The following RORA variants were observed in gnomAD, a reference collection of about 807,000 sequenced individuals.
RORA encodes the protein RAR related orphan receptor A.
Under a neutral mutation model 69.5 loss-of-function variants are expected in RORA, and 7 were observed. That is an observed-to-expected ratio of 0.10 (90% confidence interval 0.06 to 0.19). The LOEUF is 0.19. Among genes scored for constraint, RORA ranks in the 10% least tolerant of loss-of-function variants. RORA has a pLI of 1.00. For missense variants in RORA, 457 were observed against 663.0 expected (o/e 0.69, Z 3.41); for synonymous variants, 261 against 240.8 (o/e 1.08, Z -0.78).
intron 1 of RORA, among the ~76,000 whole-genome samples, chr15:61,123,834 G>C (rs2079122214): frequency 6.6e-6 from 1 of 152,192 alleles, no homozygotes; most frequent in African/African-American, 2.4e-5. Context: ...GGAAATAAGA[G>C]GGAAGGGCAT....
intron 1 of RORA, among the ~76,000 whole-genome samples, chr15:60,977,483 T>C (rs912124525): frequency 1.1e-4 from 17 of 152,308 alleles, no homozygotes; most frequent in African/African-American, 4.1e-4. Context: ...TTCGATAATA[T>C]AAAATTAACC....
At chr15:60,710,019 G>A (rs1175471539) in intron 1 of RORA, among the ~76,000 whole-genome samples, 1 of 152,104 alleles carries the variant, frequency 6.6e-6, no homozygotes, top group East Asian at 1.9e-4. Flanking sequence ...GTAGTAACTT[G>A]AATATCATGT....
chr15:60,815,182 C>G (rs1468213661), intron 1 of RORA, among the ~76,000 whole-genome samples: 3 of 152,130 alleles, frequency 2.0e-5, no homozygotes, highest in Non-Finnish European at 2.9e-5. Context: ...GCTCATTTCT[C>G]TCAGCACTTT....
intron 1 of RORA, among the ~76,000 whole-genome samples, chr15:60,952,059 G>A (rs1595841716): frequency 2.0e-5 from 3 of 150,562 alleles, no homozygotes; most frequent in Middle Eastern, 3.4e-3. Context: ...CTGGCAAAAC[G>A]AATCCAGCAG....
At chr15:61,144,089 A>G (rs961781315) in intron 1 of RORA, among the ~76,000 whole-genome samples, 1 of 152,204 alleles carries the variant, frequency 6.6e-6, no homozygotes, top group African/African-American at 2.4e-5. Flanking sequence ...AACCTTGTGT[A>G]AAAATGGGTA....
At chr15:60,502,108 G>A (rs559484550) in intron 8 of RORA, among the ~76,000 whole-genome samples, 90 of 152,296 alleles carry the variant, frequency 5.9e-4, no homozygotes, top group African/African-American at 2.1e-3. Flanking sequence ...AGCCTCCTGA[G>A]TAGCTGGGAC....
chr15:61,125,633 C>T (rs1016425001), intron 1 of RORA, among the ~76,000 whole-genome samples: 1 of 152,076 alleles, frequency 6.6e-6, no homozygotes, highest in South Asian at 2.1e-4. Context: ...CAATTATTTC[C>T]CTATGAACTA....
intron 1 of RORA, among the ~76,000 whole-genome samples, chr15:60,996,754 C>CA (rs1894553784): frequency 6.6e-6 from 1 of 151,928 alleles, no homozygotes; most frequent in African/African-American, 2.4e-5. Context: ...ACTAAAAATA[C>CA]AAAAAATTAG....
At chr15:60,814,370 G>GGATC (rs1385305876) in intron 1 of RORA, among the ~76,000 whole-genome samples, 3 of 152,134 alleles carry the variant, frequency 2.0e-5, no homozygotes, top group Non-Finnish European at 4.4e-5. Flanking sequence ...GAGGCGAAGG[G>GGATC]GATCTATGGT....
In RORA at chr15:61,229,165, G is replaced by C; in HGVS notation, c.54C>G (p.Ser18Arg). ...PDPAASEPGSSGADAAAGSRE... is the reference protein window; with the variant it reads ...PDPAASEPGSRGADAAAGSRE... ...TGGAGCCGGCGGCCGCGTCCGCGCC[G>C]CTGCTGCCTGGCTCGCTGGCGGCGG... is the stretch of plus-strand genomic sequence containing the variant. The change falls in exon 1 of 11, where the codon AGC (serine) becomes AGG (arginine). Residue 18 changes from serine to arginine, a missense_variant. By Grantham distance (110) the Ser-to-Arg change is moderately radical (BLOSUM62 -1). Coordinates refer to ENST00000335670, the MANE Select transcript of RORA (RefSeq NM_134261.3). 6.4e-7 allele frequency: 1 copy of C among 1,551,282 alleles called. No homozygotes were observed. Among genetic ancestry groups the C allele is most frequent in the East Asian group, 2.4e-5 (1 of 41,466 alleles).
chr15:60,556,788 ACTT>A, intron 2 of RORA: 1 of 1,228,806 alleles, frequency 8.1e-7, no homozygotes, highest in South Asian at 1.3e-5. Context: ...TTCAAACCTC[ACTT>A]CTTCCTAAAA....
At chr15:60,601,389 A>T (rs1173943752) in intron 2 of RORA, among the ~76,000 whole-genome samples, 1 of 152,216 alleles carries the variant, frequency 6.6e-6, no homozygotes, top group Non-Finnish European at 1.5e-5. Flanking sequence ...ACATTTAAGA[A>T]ACACTTGCTA....
intron 1 of RORA, among the ~76,000 whole-genome samples, chr15:60,802,956 T>TG (rs2072608106): frequency 6.6e-6 from 1 of 151,960 alleles, no homozygotes; most frequent in Non-Finnish European, 1.5e-5. Flanking sequence ...TGTTTCTTTT[T>TG]TAAAAAAAAA....
chr15:60,737,079 C>T (rs1275817277), intron 1 of RORA, among the ~76,000 whole-genome samples: 1 of 152,164 alleles, frequency 6.6e-6, no homozygotes, highest in African/African-American at 2.4e-5. Flanking sequence ...GTGCCTTTAT[C>T]CTGGACCATT....
At chr15:60,614,375 C>A (rs978358835) in intron 2 of RORA, among the ~76,000 whole-genome samples, 1 of 151,898 alleles carries the variant, frequency 6.6e-6, no homozygotes, top group African/African-American at 2.4e-5. Flanking sequence ...GACCCTAAAT[C>A]GAAATAAAAA....
intron 2 of RORA, among the ~76,000 whole-genome samples, chr15:60,569,261 TAAAAAAAAA>T (rs60382168): frequency 2.2e-5 from 2 of 89,640 alleles, no homozygotes; most frequent in Admixed American, 1.2e-4. Flanking sequence ...TTTAAAAAAT[TAAAAAAAAA>T]AAAAAAAAAA....
intron 1 of RORA, among the ~76,000 whole-genome samples, chr15:61,045,550 A>G (rs922207103): frequency 2.0e-5 from 3 of 152,142 alleles, no homozygotes; most frequent in African/African-American, 7.2e-5. Flanking sequence ...ACTCTGAGGC[A>G]CCCAAGCTGC....
intron 2 of RORA, among the ~76,000 whole-genome samples, chr15:60,548,200 C>T (rs1170329648): frequency 6.6e-6 from 1 of 152,150 alleles, no homozygotes; most frequent in Non-Finnish European, 1.5e-5. Flanking sequence ...TGAAAGTAGT[C>T]GTCGGCATGG....
intron 1 of RORA, among the ~76,000 whole-genome samples, chr15:60,981,147 C>T (rs1274319785): frequency 1.3e-5 from 2 of 149,534 alleles, no homozygotes; most frequent in Admixed American, 1.3e-4. Context: ...CCTTTGGCCT[C>T]CATGGTTTGT....
Sources: allele counts gnomAD v4.1 joint callset (sites outside exome capture counted in the v4.1 genomes callset), GRCh38; gene constraint gnomAD v4.1.1; transcripts MANE v1.5; gene names NCBI Gene and HGNC (gene_info 2026-07-23, HGNC 2026-07-21).